TMEM231: variants seen among roughly 807,000 people sequenced by gnomAD.
TMEM231 encodes transmembrane protein 231.
Under a neutral mutation model 38.5 loss-of-function variants are expected in TMEM231, and 40 were observed. The ratio of observed to expected loss-of-function variants is 1.04; its 90% CI spans 0.81 to 1.35. The LOEUF (loss-of-function observed/expected upper bound fraction) is 1.35. TMEM231 is among the 40% of genes most tolerant of loss of function. The pLI, the probability that TMEM231 is intolerant of heterozygous loss-of-function variation, is 0.00. For missense variants in TMEM231, 420 were observed against 416.9 expected, an observed-to-expected ratio of 1.01 and a Z score of -0.07; for synonymous variants, 199 against 181.7, an observed-to-expected ratio of 1.10 and a Z score of -0.77.
chr16:75,555,789 G>A lies in TMEM231; in HGVS notation c.309+15C>T. The A allele has an allele frequency of 2.6e-6, 4 of 1,517,664 alleles. No homozygotes were observed. The highest frequency in any genetic ancestry group is 3.5e-6 in the Non-Finnish European group (4 of 1,130,024). The allele number at this position is 1,517,664 out of a possible 1,614,324, so 94.0% of individuals were successfully genotyped here. The stretch of plus-strand genomic sequence containing the variant: ...ATCCCCGACTCTGCCCCAGGCCCAG[G>A]CGGGAACCACGCACCGAAACGAGCG... On this transcript the variant is annotated intron_variant, in intron 2 of 6. Transcript: ENST00000258173.
intron 2 of TMEM231, among the ~76,000 whole-genome samples, chr16:75,550,300 G>A (rs937316229): frequency 6.6e-6 from 1 of 152,224 alleles, no homozygotes; most frequent in Admixed American, 6.5e-5. Context: ...GGTAGGAGAG[G>A]CGTCCTGCTC....
At chr16:75,552,144 GAAAAAC>G (rs1186880593) in intron 2 of TMEM231, among the ~76,000 whole-genome samples, 4 of 151,922 alleles carry the variant, frequency 2.6e-5, no homozygotes, top group African/African-American at 9.7e-5. Context: ...AGCATTAAAA[GAAAAAC>G]AAAAACAAAA....
intron 4 of TMEM231, among the ~76,000 whole-genome samples, 169 bp from the exon 5 acceptor site, chr16:75,542,852 C>G (rs1482698257): frequency 1.3e-5 from 2 of 151,560 alleles, no homozygotes; most frequent in Non-Finnish European, 2.9e-5. Context: ...GGCTGCTGCC[C>G]ACCCAGGCTG....
At chr16:75,545,249 T>A in intron 4 of TMEM231, 103 bp downstream of exon 4, 1 of 1,488,766 alleles carries the variant, frequency 6.7e-7, no homozygotes. Context: ...TATGAGCCAC[T>A]GCGCCTGGCC....
intron 5 of TMEM231, 136 bp from the exon 6 acceptor site, chr16:75,541,591 T>G: frequency 3.9e-6 from 2 of 516,088 alleles, no homozygotes; most frequent in Non-Finnish European, 3.4e-6. Flanking sequence ...AAAGAGAAAT[T>G]GCATGTGCAA....
intron 2 of TMEM231, among the ~76,000 whole-genome samples, chr16:75,552,079 C>CAT (rs149973516): frequency 0.26 from 38,786 of 151,986 alleles, 5,047 homozygotes; most frequent in Middle Eastern, 0.33. Flanking sequence ...CAGTCAACAA[C>CAT]CCATACTTTT....
Position 75,536,891 on chromosome 16 carries a change from G to A in TMEM231, c.*3103C>T, listed in dbSNP as rs370677083. On this transcript the variant is annotated 3_prime_UTR_variant, in exon 7 of 7. Coordinates refer to ENST00000258173, the MANE Select transcript of TMEM231 (RefSeq NM_001077418.3). ...GATCCCAGCACTTTGGGTGGCCAAA[G>A]CGGATGGATCACTTGAGGTCAGGAG... The A allele has an allele frequency of 9.2e-5, 14 of 152,348 alleles. No homozygotes were observed. Among genetic ancestry groups the A allele is most frequent in the African/African-American group, 3.4e-4 (14 of 41,574 alleles). 9.4% of individuals were successfully genotyped at this position (152,348 alleles called of 1,614,324 possible). A position where few individuals can be genotyped will look rare whatever the true frequency, so the allele number is the denominator to read the frequency against.
chr16:75,540,027 G>T lies in TMEM231; in HGVS notation c.918C>A (p.Pro306=). The T allele has an allele frequency of 6.2e-7, 1 of 1,613,322 alleles. No individual in the cohort carries two copies. Among genetic ancestry groups the T allele is most frequent in the South Asian group, 1.1e-5 (1 of 90,958 alleles). ...AGTGCTCCTTACACAAGTCTCCCCG[G>T]GGCGTCACTGTCACAGGAATGGTGG... ...VVTTIPVTVT[P]RGDLCKEHLS is the part of the protein sequence containing the mutation. Residue 306 remains proline, a synonymous_variant, in exon 7 of 7, where the codon CCC becomes CCA. Coordinates refer to ENST00000258173, the MANE Select transcript of TMEM231 (RefSeq NM_001077418.3).
intron 2 of TMEM231, among the ~76,000 whole-genome samples, chr16:75,546,537 G>A (rs1305695434): frequency 6.6e-6 from 1 of 151,902 alleles, no homozygotes; most frequent in African/African-American, 2.4e-5. Flanking sequence ...CCGCCTCCCA[G>A]GGTCAAGGAA....
At position 75,555,845 on chromosome 16, in the gene TMEM231, T is replaced by G; in HGVS notation, c.268A>C (p.Asn90His). Residue 90 changes from asparagine to histidine, a missense_variant, in exon 2 of 7, where the codon AAC becomes CAC. Coordinates refer to ENST00000258173, the MANE Select transcript of TMEM231 (RefSeq NM_001077418.3). ...FLAWSTFPAF[N>H]RLQGDRLRVP... Reference sequence around the variant, plus strand: ...CGCAGGCGATCCCCTTGCAGCCGGTTGAAGGCGGGGAACGTGCTCCAGGCG... The same window carrying G: ...CGCAGGCGATCCCCTTGCAGCCGGTGGAAGGCGGGGAACGTGCTCCAGGCG... 1 of 1,580,254 alleles carries G rather than the reference T, an allele frequency of 6.3e-7. No individual in the cohort carries two copies. The highest frequency in any genetic ancestry group is 1.2e-5 in the South Asian group (1 of 86,078).
rs150588462 is a variant in TMEM231 at position 75,552,219 on chromosome 16, C to T, written c.309+3585G>A. Reference sequence around the variant, plus strand: ...CTATAGTCCCAGCACTTTGGGAGGCCGAGGCAGGCAGATCACTTGAGCTCA... The same window carrying T: ...CTATAGTCCCAGCACTTTGGGAGGCTGAGGCAGGCAGATCACTTGAGCTCA... On this transcript the variant is annotated intron_variant, in intron 2 of 6. Coordinates refer to ENST00000258173, the MANE Select transcript of TMEM231 (RefSeq NM_001077418.3). Among the ~76,000 whole-genome samples, 20 of 152,170 alleles carry T rather than the reference C, an allele frequency of 1.3e-4. No individual in the cohort carries two copies. In the East Asian group the frequency reaches 3.7e-3, roughly 28 times the overall value.
chr16:75,548,494 G>A (rs537959657), intron 2 of TMEM231, among the ~76,000 whole-genome samples: 10 of 152,236 alleles, frequency 6.6e-5, no homozygotes, highest in African/African-American at 1.9e-4. Flanking sequence ...ATACATTCCC[G>A]ATGGACAATG....
chr16:75,545,271 C>CT, intron 4 of TMEM231, 81 bp downstream of exon 4: 2 of 1,539,152 alleles, frequency 1.3e-6, no homozygotes, highest in Non-Finnish European at 1.8e-6. Flanking sequence ...GACATTTCTA[C>CT]TTTTCATTCC....
chr16:75,541,410 C>G lies in TMEM231; in HGVS notation c.710G>C (p.Arg237Thr), dbSNP rs199813223. The G allele has an allele frequency of 1.5e-3, 2,376 of 1,612,202 alleles. 4 individuals are homozygous for G. The highest frequency in any genetic ancestry group is 1.8e-3 in the Non-Finnish European group (2,140 of 1,178,970). The part of the protein sequence containing the change: ...NDPNPIWLVG[R>T]AADAPFVINA... ...AATCACAAATGGAGCATCTGCGGCCCTGCCCACCAGCCAGATGGGGTTGGG... is the reference window on the plus strand; with the variant it reads ...AATCACAAATGGAGCATCTGCGGCCGTGCCCACCAGCCAGATGGGGTTGGG... The change falls in exon 6 of 7, where the codon AGG (arginine) becomes ACG (threonine). Residue 237 changes from arginine (R) to threonine (T), a missense_variant. Arg to Thr is a moderately conservative substitution (Grantham distance 71). Coordinates refer to ENST00000258173, the MANE Select transcript of TMEM231 (RefSeq NM_001077418.3).
intron 2 of TMEM231, among the ~76,000 whole-genome samples, chr16:75,550,299 G>T (rs927089198): frequency 1.3e-5 from 2 of 152,228 alleles, no homozygotes; most frequent in Non-Finnish European, 2.9e-5. Flanking sequence ...CGGTAGGAGA[G>T]GCGTCCTGCT....
At chr16:75,541,584 G>A (rs2080629261) in intron 5 of TMEM231, 129 bp from the exon 6 acceptor site, 5 of 535,240 alleles carry the variant, frequency 9.3e-6, no homozygotes. Flanking sequence ...CGGAAGGAAA[G>A]AGAAATTGCA....
At chr16:75,547,743 C>T (rs909450634) in intron 2 of TMEM231, among the ~76,000 whole-genome samples, 3 of 151,998 alleles carry the variant, frequency 2.0e-5, no homozygotes. Flanking sequence ...CTTGCCACTG[C>T]ACTCCAGCCT....
chr16:75,540,207 G>C, intron 6 of TMEM231, 33 bp from the exon 7 acceptor site: 1 of 1,574,774 alleles, frequency 6.4e-7, no homozygotes, highest in Non-Finnish European at 8.6e-7. Context: ...GGGCCACATG[G>C]TGTTAAGTAT....
At chr16:75,548,735 G>A (rs2151705079) in intron 2 of TMEM231, among the ~76,000 whole-genome samples, 1 of 152,276 alleles carries the variant, frequency 6.6e-6, no homozygotes, top group East Asian at 1.9e-4. Flanking sequence ...TAGGCATGGT[G>A]GCGTGCACCT....
Sources: allele counts gnomAD v4.1 joint callset (sites outside exome capture counted in the v4.1 genomes callset), GRCh38; gene constraint gnomAD v4.1.1; transcripts MANE v1.5; gene names NCBI Gene and HGNC (gene_info 2026-07-23, HGNC 2026-07-21).